TBC1D8: variants seen among roughly 807,000 people sequenced by gnomAD.
TBC1D8 encodes TBC1 domain family member 8.
A neutral mutation model predicts 118.8 loss-of-function variants in TBC1D8; 65 were observed. The ratio of observed to expected loss-of-function variants is 0.55; its 90% CI spans 0.45 to 0.67. TBC1D8 has a LOEUF of 0.67. Ranked by LOEUF, TBC1D8 falls within the 30% of genes least tolerant of loss-of-function variation. TBC1D8 has a pLI of 0.00. For synonymous variants in TBC1D8, 566 were observed against 595.8 expected, an observed-to-expected ratio of 0.95 and a Z score of 0.73; for missense variants, 1,376 against 1,471.2, an observed-to-expected ratio of 0.94 and a Z score of 1.06.
intron 1 of TBC1D8, among the ~76,000 whole-genome samples, chr2:101,139,909 C>A (rs1679027553): frequency 2.0e-5 from 3 of 152,182 alleles, no homozygotes; most frequent in Non-Finnish European, 4.4e-5. Context: ...TATCACCCCA[C>A]AATCACGACT....
rs551264529 is a variant in TBC1D8, at chr2:101,092,502, C to T, written c.128-2138G>A. 8.5e-5 allele frequency among the ~76,000 whole-genome samples: 13 copies of T among 152,234 alleles called. No individual in the cohort carries two copies. In the South Asian group the frequency reaches 2.7e-3, roughly 32 times the overall value. On this transcript the variant is annotated intron_variant, in intron 1 of 19. Transcript: ENST00000409318. The stretch of plus-strand genomic sequence containing the variant: ...TCTGAAGCCATGCAAATTTCCTGTT[C>T]CTCACCAAATATTTCATTATTCTCT...
chr2:101,029,103 C>T (rs1372859970), intron 12 of TBC1D8, among the ~76,000 whole-genome samples: 1 of 152,132 alleles, frequency 6.6e-6, no homozygotes, highest in East Asian at 1.9e-4. Flanking sequence ...AGAAAACTTC[C>T]ACAGGGGCCA....
chr2:101,078,004 G>A (rs1213910400), intron 2 of TBC1D8, among the ~76,000 whole-genome samples: 4 of 151,948 alleles, frequency 2.6e-5, no homozygotes, highest in African/African-American at 7.3e-5. Flanking sequence ...GGCTCCACCC[G>A]GACCCACCAA....
chr2:101,140,651 T>C lies in TBC1D8; in HGVS notation c.127+10476A>G, dbSNP rs193149078. Among the ~76,000 whole-genome samples the C allele has an allele frequency of 3.1e-3, 479 of 152,296 alleles. 11 individuals carry two copies. Among genetic ancestry groups the C allele is most frequent in the Admixed American group, 0.025 (386 of 15,286 alleles). ...ATGAGAAACACAAACAGTCCCCTTA[T>C]TCCTTGCTGCTCCCACTTACCAACT... On this transcript the variant is annotated intron_variant, in intron 1 of 19. Coordinates refer to ENST00000409318, the MANE Select transcript of TBC1D8 (RefSeq NM_001330348.2).
chr2:101,090,233 C>G lies in TBC1D8; in HGVS notation c.259G>C (p.Asp87His), dbSNP rs1377775598. 1 of 1,613,932 alleles carries G rather than the reference C, an allele frequency of 6.2e-7. No individual in the cohort carries two copies. Among genetic ancestry groups the G allele is most frequent in the Non-Finnish European group, 8.5e-7 (1 of 1,179,852 alleles). The change falls in exon 2 of 20, where the codon GAC becomes CAC. Residue 87 changes from aspartate (D) to histidine (H), a missense_variant. Coordinates refer to ENST00000409318, the MANE Select transcript of TBC1D8 (RefSeq NM_001330348.2). ...CCAGTGGCTATGGCCCAGTAAACGT[C>G]TGATCCATTCAGTAACTCACCACAT... ...IACGELLNGSDVYWAIATGAT... is the reference protein window; with the variant it reads ...IACGELLNGSHVYWAIATGAT...
rs1387627588 is a variant in TBC1D8, at chr2:101,132,761, T to C, written c.127+18366A>G. Among the ~76,000 whole-genome samples the C allele has an allele frequency of 2.6e-5, 4 of 151,938 alleles. No individual in the cohort carries two copies. In the South Asian group the frequency reaches 6.3e-4, roughly 24 times the overall value. ...ATGCCACCATGCCCGGCTAACTTAT[T>C]TTTTGTTTTTCAATTTTTTGTAGAG... On this transcript the variant is annotated intron_variant, in intron 1 of 19. Coordinates refer to ENST00000409318, the MANE Select transcript of TBC1D8 (RefSeq NM_001330348.2).
chr2:101,022,923 G>A (rs72976861), intron 15 of TBC1D8, among the ~76,000 whole-genome samples: 8,118 of 151,882 alleles, frequency 0.053, 727 homozygotes, highest in African/African-American at 0.19. Context: ...TGGGTGGATC[G>A]TCTGCGCTCA....
In TBC1D8 at chr2:101,037,573, C is replaced by T. The variant is rs750639852; in HGVS notation, c.1411G>A (p.Ala471Thr). 5.0e-5 allele frequency: 81 copies of T among 1,612,978 alleles called. No individual in the cohort carries two copies. Among genetic ancestry groups the T allele is most frequent in the African/African-American group, 5.3e-5 (4 of 74,886 alleles). ...CTCTGGCTGCCTGACTGCTGGAAGGCGGTGACCAGGGCATCGGGGTGCATC... is the reference window on the plus strand; with the variant it reads ...CTCTGGCTGCCTGACTGCTGGAAGGTGGTGACCAGGGCATCGGGGTGCATC... ...PLMHPDALVT[A>T]FQQSGSQSPD... is the part of the protein sequence containing the mutation. The change falls in exon 8 of 20, where the codon GCC (alanine) becomes ACC (threonine). Residue 471 changes from alanine (A) to threonine (T), a missense_variant. Ala to Thr is a moderately conservative substitution (Grantham distance 58). Coordinates refer to ENST00000409318, the MANE Select transcript of TBC1D8 (RefSeq NM_001330348.2).
At chr2:101,048,146 T>C (rs1360133384) in intron 5 of TBC1D8, among the ~76,000 whole-genome samples, 1 of 152,348 alleles carries the variant, frequency 6.6e-6, no homozygotes, top group Non-Finnish European at 1.5e-5. Flanking sequence ...ATGGTGCTCC[T>C]GTGAGCCCTC....
At chr2:101,121,298 C>T (rs1678090024) in intron 1 of TBC1D8, among the ~76,000 whole-genome samples, 2 of 152,208 alleles carry the variant, frequency 1.3e-5, no homozygotes, top group Admixed American at 1.3e-4. Context: ...CATTAACTAA[C>T]ACATATCAGA....
rs754201572 is a variant in TBC1D8 at position 101,040,162 on chromosome 2, A to G, written c.1080+16T>C. On this transcript the variant is annotated intron_variant, in intron 6 of 19. Transcript: ENST00000409318. ...CAAAAGGCTGCTTCGGGAAGCAGAC[A>G]GTAGGGCCAGTCTACCTCTCTGAGT... 2 of 1,612,120 alleles carry G rather than the reference A, an allele frequency of 1.2e-6. No homozygotes were observed. The highest frequency in any genetic ancestry group is 1.7e-5 in the Admixed American group (1 of 59,946).
intron 1 of TBC1D8, among the ~76,000 whole-genome samples, chr2:101,134,189 TCTCTCTCTCACACACACA>T (rs1367245885): frequency 3.7e-4 from 35 of 95,810 alleles, no homozygotes; most frequent in African/African-American, 1.3e-3. Context: ...TCTCTCTCTC[TCTCTCTCTCACACACACA>T]CACACACACA....
intron 2 of TBC1D8, among the ~76,000 whole-genome samples, chr2:101,071,132 G>A (rs1213514805): frequency 6.6e-6 from 1 of 152,086 alleles, no homozygotes; most frequent in Non-Finnish European, 1.5e-5. Context: ...GAGGTCAGGA[G>A]ATGGAGACCA....
intron 17 of TBC1D8, among the ~76,000 whole-genome samples, chr2:101,012,704 G>C (rs1030409069): frequency 1.3e-5 from 2 of 152,028 alleles, no homozygotes; most frequent in Non-Finnish European, 2.9e-5. Flanking sequence ...CAATAAAGCT[G>C]CTACAAAATA....
chr2:101,136,474 T>A (rs1678859410), intron 1 of TBC1D8, among the ~76,000 whole-genome samples: 2 of 152,196 alleles, frequency 1.3e-5, no homozygotes, highest in Non-Finnish European at 2.9e-5. Context: ...TTCTTTTCTT[T>A]ATAAATTCCC....
At chr2:101,118,616 G>A (rs947046066) in intron 1 of TBC1D8, among the ~76,000 whole-genome samples, 1 of 149,932 alleles carries the variant, frequency 6.7e-6, no homozygotes, top group African/African-American at 2.5e-5. Context: ...AGAATGGCGT[G>A]AACCCGGGAG....
In TBC1D8 at chr2:101,021,670, G is replaced by A. The variant is rs753814564; in HGVS notation, c.2827+11C>T. 8 of 1,582,816 alleles carry A rather than the reference G, an allele frequency of 5.1e-6. No homozygotes were observed. The Admixed American group carries it at 1.2e-4, about 24-fold the overall frequency. The stretch of plus-strand genomic sequence containing the variant: ...GAGCACAGTCTGATTTTGCTACTTG[G>A]ACTTTCTTACCTGGAGGGATATGAA... On this transcript the variant is annotated intron_variant, in intron 17 of 19. Coordinates refer to ENST00000409318, the MANE Select transcript of TBC1D8 (RefSeq NM_001330348.2).
At chr2:101,062,932 G>A (rs1040227658) in intron 2 of TBC1D8, among the ~76,000 whole-genome samples, 18 of 152,088 alleles carry the variant, frequency 1.2e-4, no homozygotes, top group African/African-American at 2.4e-4. Flanking sequence ...GAGCCACCGC[G>A]CCCAGCCCTG....
At chr2:101,141,162 C>T (rs76254199) in intron 1 of TBC1D8, among the ~76,000 whole-genome samples, 17,980 of 152,036 alleles carry the variant, frequency 0.12, 1,308 homozygotes, top group South Asian at 0.21. Context: ...ACACTCACAC[C>T]CCAGTTATGC....
Sources: allele counts gnomAD v4.1 joint callset (sites outside exome capture counted in the v4.1 genomes callset), GRCh38; gene constraint gnomAD v4.1.1; transcripts MANE v1.5; gene names NCBI Gene and HGNC (gene_info 2026-07-23, HGNC 2026-07-21).